FRMD5: variants seen among roughly 807,000 people sequenced by gnomAD.
The protein encoded by FRMD5 is FERM domain-containing protein 5.
FRMD5 carries 20 observed loss-of-function variants against 69.0 expected under a neutral mutation model. The ratio of observed to expected loss-of-function variants is 0.29; its 90% confidence interval spans 0.20 to 0.42. The LOEUF (loss-of-function observed/expected upper bound fraction) is 0.42, where lower values mean the gene tolerates loss of function less well. Ranked by LOEUF, FRMD5 falls within the 10% of genes least tolerant of loss-of-function variation. The probability of loss-of-function intolerance (pLI) is 1.00; values close to 1 mark genes in which losing one functional copy is unlikely to be tolerated. For synonymous variants in FRMD5, 271 were observed against 260.1 expected (o/e 1.04, Z -0.40); for missense variants, 595 against 708.6 (o/e 0.84, Z 1.82).
At chr15:44,007,637 ATTTTT>A (rs35512441) in intron 1 of FRMD5, among the ~76,000 whole-genome samples, 15 of 81,144 alleles carry the variant, frequency 1.8e-4, no homozygotes, top group South Asian at 4.9e-4. Flanking sequence ...TAATTAACTA[ATTTTT>A]TTTTTTTTTT....
At chr15:43,959,869 G>C (rs1362119536) in intron 1 of FRMD5, among the ~76,000 whole-genome samples, 2 of 151,896 alleles carry the variant, frequency 1.3e-5, no homozygotes, top group African/African-American at 4.8e-5. Context: ...CTACTGAAAG[G>C]GCAAGTTATT....
At chr15:44,012,798 C>G (rs941254297) in intron 1 of FRMD5, among the ~76,000 whole-genome samples, 1 of 134,786 alleles carries the variant, frequency 7.4e-6, no homozygotes, top group African/African-American at 2.8e-5. Context: ...TGGAGTTTCG[C>G]TCTTGTTGCC....
At chr15:43,956,614 G>A (rs1057214385) in intron 1 of FRMD5, among the ~76,000 whole-genome samples, 11 of 152,118 alleles carry the variant, frequency 7.2e-5, no homozygotes, top group African/African-American at 2.2e-4. Context: ...CTTGGGTCAC[G>A]GGTTAACTAA....
Position 44,005,241 on chromosome 15 carries a change from G to A in FRMD5, c.103-80932C>T, listed in dbSNP as rs370191227. On this transcript the variant is annotated intron_variant, in intron 1 of 13. Coordinates refer to ENST00000417257, the MANE Select transcript of FRMD5 (RefSeq NM_032892.5). ...TCATGCCTGTAATCCAGCACTTTGC[G>A]AGGCCAAGGCAGGCAGATCATCTGA... is the stretch of plus-strand genomic sequence containing the variant. Among the ~76,000 whole-genome samples the A allele has an allele frequency of 4.2e-4, 64 of 152,200 alleles. No homozygotes were observed. In the South Asian group the frequency reaches 9.1e-3, roughly 22 times the overall value.
intron 1 of FRMD5, among the ~76,000 whole-genome samples, chr15:44,116,226 TAGAG>T (rs568214784): frequency 6.1e-5 from 9 of 148,262 alleles, no homozygotes; most frequent in South Asian, 2.1e-4. Context: ...TATATATATA[TAGAG>T]AGAGAGAGAG....
At chr15:44,177,819 G>A (rs2077925600) in intron 1 of FRMD5, among the ~76,000 whole-genome samples, 1 of 152,132 alleles carries the variant, frequency 6.6e-6, no homozygotes, top group African/African-American at 2.4e-5. Context: ...AGGCAAAACT[G>A]TAAGGACAGA....
chr15:44,163,026 T>A (rs1182389151), intron 1 of FRMD5, among the ~76,000 whole-genome samples: 3 of 151,508 alleles, frequency 2.0e-5, no homozygotes, highest in South Asian at 2.1e-4. Context: ...TACAAAAAAA[T>A]TAGCAGGCGT....
intron 1 of FRMD5, among the ~76,000 whole-genome samples, chr15:43,955,801 C>G (rs984002707): frequency 2.0e-5 from 3 of 151,978 alleles, no homozygotes; most frequent in African/African-American, 7.3e-5. Flanking sequence ...GTAAAAGGCA[C>G]CCACTTCAGA....
intron 1 of FRMD5, among the ~76,000 whole-genome samples, chr15:44,119,454 T>G (rs989537645): frequency 4.9e-4 from 75 of 152,192 alleles, no homozygotes; most frequent in African/African-American, 1.7e-3. Flanking sequence ...TTTTCTTTCT[T>G]GTTTCCAAAG....
intron 1 of FRMD5, among the ~76,000 whole-genome samples, chr15:43,929,235 A>G (rs1266797650): frequency 6.6e-6 from 1 of 152,190 alleles, no homozygotes. Context: ...GCAGTAAGCA[A>G]GCTTGGGCCA....
At position 43,871,531 on chromosome 15, in the gene FRMD5, C is replaced by G. The variant is rs184474158; in HGVS notation, c.*2354G>C. On this transcript the variant is annotated 3_prime_UTR_variant, in exon 14 of 14. Coordinates refer to ENST00000417257, the MANE Select transcript of FRMD5 (RefSeq NM_032892.5). Reference sequence around the variant, plus strand: ...CAGGTGGACACCAGCCCCCTGTCTCCTGACAGCCTTTTCATCTCTGGGTCT... The same window carrying G: ...CAGGTGGACACCAGCCCCCTGTCTCGTGACAGCCTTTTCATCTCTGGGTCT... 1 of 152,232 alleles carries G rather than the reference C, an allele frequency of 6.6e-6. No homozygotes were observed. Among genetic ancestry groups the G allele is most frequent in the Non-Finnish European group, 1.5e-5 (1 of 68,052 alleles). The allele number at this position is 152,232 out of a possible 1,614,324, so 9.4% of individuals were successfully genotyped here. A position where few individuals can be genotyped will look rare whatever the true frequency, so the allele number is the denominator to read the frequency against.
chr15:43,972,083 T>A (rs1010447278), intron 1 of FRMD5, among the ~76,000 whole-genome samples: 1 of 147,684 alleles, frequency 6.8e-6, no homozygotes, highest in East Asian at 1.9e-4. Flanking sequence ...TAAATATATA[T>A]ATATATAAAG....
intron 1 of FRMD5, among the ~76,000 whole-genome samples, chr15:44,093,165 C>T (rs1401791079): frequency 2.0e-5 from 3 of 151,948 alleles, no homozygotes; most frequent in Non-Finnish European, 2.9e-5. Flanking sequence ...CTCTTAACCT[C>T]GTGATCCACC....
chr15:44,159,576 G>A (rs2077580802), intron 1 of FRMD5, among the ~76,000 whole-genome samples: 1 of 152,166 alleles, frequency 6.6e-6, no homozygotes, highest in African/African-American at 2.4e-5. Context: ...AGGAGTTTAA[G>A]ATGCCTCTCA....
intron 1 of FRMD5, among the ~76,000 whole-genome samples, chr15:43,952,997 G>T (rs1464709143): frequency 6.6e-6 from 1 of 152,236 alleles, no homozygotes; most frequent in Admixed American, 6.5e-5. Flanking sequence ...AAGAACCCCA[G>T]AAGCCAGGGG....
chr15:43,903,361 C>T (rs1305337550), intron 6 of FRMD5, among the ~76,000 whole-genome samples: 1 of 152,190 alleles, frequency 6.6e-6, no homozygotes, highest in Admixed American at 6.5e-5. Context: ...TGACCCCAGG[C>T]CAGATTCCCC....
intron 1 of FRMD5, among the ~76,000 whole-genome samples, chr15:43,985,935 G>A (rs1423776802): frequency 6.6e-6 from 1 of 152,174 alleles, no homozygotes; most frequent in Non-Finnish European, 1.5e-5. Context: ...TAACTGACCA[G>A]GAATCAGAAA....
intron 1 of FRMD5, among the ~76,000 whole-genome samples, chr15:44,147,456 G>T (rs1029100686): frequency 1.6e-4 from 25 of 152,040 alleles, no homozygotes; most frequent in African/African-American, 6.0e-4. Context: ...TGGCTATAGG[G>T]GCTCTTTTTT....
intron 1 of FRMD5, among the ~76,000 whole-genome samples, chr15:44,054,556 G>A (rs1398166137): frequency 2.0e-5 from 3 of 151,922 alleles, no homozygotes; most frequent in African/African-American, 7.3e-5. Flanking sequence ...TTTTCGTAGG[G>A]GTTGTCCGCC....
Sources: allele counts gnomAD v4.1 joint callset (sites outside exome capture counted in the v4.1 genomes callset), GRCh38; gene constraint gnomAD v4.1.1; transcripts MANE v1.5; gene names NCBI Gene and HGNC (gene_info 2026-07-23, HGNC 2026-07-21).